PRUNE2: variants seen among roughly 807,000 people sequenced by gnomAD.
The protein encoded by PRUNE2 is protein prune homolog 2.
Under a neutral mutation model 252.0 loss-of-function variants are expected in PRUNE2, and 164 were observed. The observed-to-expected ratio is 0.65, with a 90% CI of 0.57 to 0.74. The LOEUF (loss-of-function observed/expected upper bound fraction) is 0.74. Among genes scored for constraint, PRUNE2 ranks in the 30% least tolerant of loss-of-function variants. The pLI, the probability that PRUNE2 is intolerant of heterozygous loss-of-function variation, is 0.00. For synonymous variants in PRUNE2, 1,292 were observed against 1,350.2 expected (o/e 0.96, Z 0.94); for missense variants, 3,495 against 3,711.0 (o/e 0.94, Z 1.51).
At chr9:76,629,367 A>G in intron 15 of PRUNE2, 77 bp from the exon 16 acceptor site, 2 of 727,760 alleles carry the variant, frequency 2.7e-6, no homozygotes, top group Middle Eastern at 3.2e-4. Flanking sequence ...CCTTTTCTTG[A>G]AAATCCTGAT....
chr9:76,641,132 G>A (rs906642248), intron 12 of PRUNE2, among the ~76,000 whole-genome samples: 2 of 152,114 alleles, frequency 1.3e-5, no homozygotes, highest in African/African-American at 2.4e-5. Flanking sequence ...GGAATACTAC[G>A]GGATCAACCT....
chr9:76,640,981 A>C (rs1275431314), intron 12 of PRUNE2, among the ~76,000 whole-genome samples: 1 of 152,198 alleles, frequency 6.6e-6, no homozygotes, highest in Non-Finnish European at 1.5e-5. Flanking sequence ...ACTTCTAAGA[A>C]ATTTTTTTCG....
intron 11 of PRUNE2, among the ~76,000 whole-genome samples, chr9:76,651,147 A>C (rs138488368): frequency 2.2e-4 from 33 of 152,280 alleles, no homozygotes; most frequent in African/African-American, 7.9e-4. Flanking sequence ...AAAATGCAAT[A>C]TAAAATCTCT....
rs759264001 is a variant in PRUNE2 at position 76,706,978 on chromosome 9, G to A, written c.5296C>T (p.Pro1766Ser). 2.5e-6 allele frequency: 4 copies of A among 1,613,976 alleles called. No homozygotes were observed. Among genetic ancestry groups the A allele is most frequent in the Non-Finnish European group, 3.4e-6 (4 of 1,179,872 alleles). Reference sequence around the variant, plus strand: ...TCCGTTAATGGTGAGAAAGTCCAGGGATCAGGGCTGCTTTGTTGATTGTCA... The same window carrying A: ...TCCGTTAATGGTGAGAAAGTCCAGGAATCAGGGCTGCTTTGTTGATTGTCA... Reference protein sequence around the residue: ...FCDNQQSSPDPWTFSPLTETE... With the variant: ...FCDNQQSSPDSWTFSPLTETE... Residue 1766 changes from proline (P) to serine (S), a missense_variant, in exon 8 of 19, where the codon CCC becomes TCC. Pro to Ser is a moderately conservative substitution (Grantham distance 74). Coordinates refer to ENST00000376718, the MANE Select transcript of PRUNE2 (RefSeq NM_015225.3).
chr9:76,721,667 T>C lies in PRUNE2; in HGVS notation c.757-7946A>G, dbSNP rs138748867. Among the ~76,000 whole-genome samples the C allele has an allele frequency of 4.9e-3, 749 of 152,278 alleles. 6 individuals are homozygous for C. Among genetic ancestry groups the C allele is most frequent in the African/African-American group, 0.017 (721 of 41,540 alleles). ...GGAACAGTGAGTCTTACAAACACAG[T>C]GTGACAATTCCTAACTACCTTGCAA... On this transcript the variant is annotated intron_variant, in intron 6 of 18. Transcript: ENST00000376718.
intron 6 of PRUNE2, among the ~76,000 whole-genome samples, chr9:76,724,303 CAAAAAAAAAAA>C (rs796291956): frequency 4.3e-5 from 3 of 69,418 alleles, no homozygotes; most frequent in South Asian, 1.2e-3. Context: ...GATAGAAATA[CAAAAAAAAAAA>C]AAAAAAAAAA....
chr9:76,778,670 C>A (rs1302438981), intron 6 of PRUNE2: 1 of 152,180 alleles, frequency 6.6e-6, no homozygotes, highest in Non-Finnish European at 1.5e-5. Context: ...ATGGGATACA[C>A]AGTATGATCT....
chr9:76,723,062 A>G (rs1183737762), intron 6 of PRUNE2, among the ~76,000 whole-genome samples: 3 of 152,236 alleles, frequency 2.0e-5, no homozygotes, highest in African/African-American at 7.2e-5. Flanking sequence ...AAGATCGAAC[A>G]TTACCATGCT....
intron 4 of PRUNE2, among the ~76,000 whole-genome samples, chr9:76,834,651 C>T (rs2058854036): frequency 6.6e-6 from 1 of 152,106 alleles, no homozygotes; most frequent in Admixed American, 6.5e-5. Context: ...TGAAAACAGA[C>T]ATCTGATATT....
intron 13 of PRUNE2, among the ~76,000 whole-genome samples, chr9:76,637,789 CCTGA>C (rs956651774): frequency 6.6e-6 from 1 of 152,098 alleles, no homozygotes; most frequent in Non-Finnish European, 1.5e-5. Context: ...TAGAAAGAAT[CCTGA>C]CTTTCAAAAC....
At chr9:76,697,000 T>G (rs2045454759) in intron 9 of PRUNE2, among the ~76,000 whole-genome samples, 1 of 152,216 alleles carries the variant, frequency 6.6e-6, no homozygotes, top group South Asian at 2.1e-4. Context: ...ATACTCTCTT[T>G]ATTAAATCTC....
chr9:76,793,119 A>C (rs1257191553), intron 6 of PRUNE2, among the ~76,000 whole-genome samples: 1 of 152,232 alleles, frequency 6.6e-6, no homozygotes. Flanking sequence ...TATAATATAC[A>C]GGCAAAGCAG....
At chr9:76,836,511 A>G (rs1589480389) in intron 4 of PRUNE2, among the ~76,000 whole-genome samples, 1 of 151,890 alleles carries the variant, frequency 6.6e-6, no homozygotes, top group African/African-American at 2.4e-5. Context: ...TCTTTCCAAA[A>G]CTCAGGGCCA....
chr9:76,851,043 T>C (rs1010338998), intron 2 of PRUNE2, among the ~76,000 whole-genome samples: 2 of 152,058 alleles, frequency 1.3e-5, no homozygotes, highest in East Asian at 3.9e-4. Context: ...TGTAAATAAA[T>C]ACATTTATAT....
chr9:76,874,234 G>A lies in PRUNE2; in HGVS notation c.37-20026C>T, dbSNP rs557959407. ...ATTAAATATTCAAAAAATATCATTA[G>A]TACAGCAAATTTTTAATGAGGCTAA... On this transcript the variant is annotated intron_variant, in intron 1 of 18. Coordinates refer to ENST00000376718, the MANE Select transcript of PRUNE2 (RefSeq NM_015225.3). Among the ~76,000 whole-genome samples, 7 of 152,300 alleles carry A rather than the reference G, an allele frequency of 4.6e-5. No individual in the cohort carries two copies. The South Asian group carries it at 1.2e-3, about 27-fold the overall frequency.
Position 76,707,959 on chromosome 9 carries a change from T to G in PRUNE2, c.4315A>C (p.Asn1439His). ...THEKHLMSQR[N>H]SGETTETSDG... ...GAAGTCTCAGTAGTTTCACCTGAAT[T>G]TCTTTGACTCATGAGGTGTTTTTCA... The change falls in exon 8 of 19, where the codon AAT becomes CAT. Residue 1439 changes from asparagine to histidine, a missense_variant. Coordinates refer to ENST00000376718, the MANE Select transcript of PRUNE2 (RefSeq NM_015225.3). The G allele has an allele frequency of 6.2e-7, 1 of 1,613,956 alleles. No individual in the cohort carries two copies. The highest frequency in any genetic ancestry group is 1.1e-5 in the South Asian group (1 of 91,074).
At chr9:76,813,498 C>A (rs1009318118) in intron 6 of PRUNE2, among the ~76,000 whole-genome samples, 55 of 152,150 alleles carry the variant, frequency 3.6e-4, no homozygotes, top group African/African-American at 1.3e-3. Context: ...CTAGCATACA[C>A]ACACACACAA....
intron 6 of PRUNE2, among the ~76,000 whole-genome samples, chr9:76,822,678 G>C (rs2058102782): frequency 6.6e-6 from 1 of 152,112 alleles, no homozygotes; most frequent in African/African-American, 2.4e-5. Context: ...GTGGTGGCGG[G>C]CGCCTTTAAT....
intron 6 of PRUNE2, among the ~76,000 whole-genome samples, chr9:76,757,585 A>G (rs2051270703): frequency 6.6e-6 from 1 of 152,212 alleles, no homozygotes; most frequent in Non-Finnish European, 1.5e-5. Context: ...GAAGGGCTCA[A>G]CTGGTAATAA....
Sources: gnomAD v4.1 joint callset for allele counts (sites outside exome capture counted in the v4.1 genomes callset) on GRCh38, gnomAD v4.1.1 for gene constraint, MANE v1.5 for transcripts, NCBI Gene and HGNC (gene_info 2026-07-23, HGNC 2026-07-21) for gene names.